SPTLC1: variants seen among roughly 807,000 people sequenced by gnomAD.
SPTLC1 encodes serine palmitoyltransferase 1.
In SPTLC1, 55 loss-of-function variants were observed where a neutral mutation model predicts 68.9. The observed-to-expected ratio is 0.80, with a 90% CI of 0.64 to 1.00. The LOEUF is 1.00. SPTLC1 is among the 50% of genes least tolerant of loss of function. The pLI, the probability that SPTLC1 is intolerant of heterozygous loss-of-function variation, is 0.00. For synonymous variants in SPTLC1, 197 were observed against 201.6 expected, an observed-to-expected ratio of 0.98 and a Z score of 0.19; for missense variants, 449 against 573.1, an observed-to-expected ratio of 0.78 and a Z score of 2.21.
intron 3 of SPTLC1, among the ~76,000 whole-genome samples, chr9:92,103,916 G>C (rs1026138949): frequency 1.6e-4 from 24 of 152,200 alleles, no homozygotes; most frequent in African/African-American, 5.5e-4. Context: ...CCACAGGGGG[G>C]CCCATCCAGG....
At chr9:92,040,445 T>G (rs1198086897) in intron 12 of SPTLC1, among the ~76,000 whole-genome samples, 1 of 151,908 alleles carries the variant, frequency 6.6e-6, no homozygotes, top group Non-Finnish European at 1.5e-5. Flanking sequence ...GCATTTCATA[T>G]GAATCAAATG....
chr9:92,097,980 T>A lies in SPTLC1; in HGVS notation c.260+10760A>T, dbSNP rs561061281. Among the ~76,000 whole-genome samples, 21 of 152,340 alleles carry A rather than the reference T, an allele frequency of 1.4e-4. No individual in the cohort carries two copies. The South Asian group carries it at 4.3e-3, about 32-fold the overall frequency. On this transcript the variant is annotated intron_variant, in intron 3 of 14. Coordinates refer to ENST00000262554, the MANE Select transcript of SPTLC1 (RefSeq NM_006415.4). ...TCTTGTGTCAACTCAGTATTGAATGTAAATAGGTATTGCATAAATTGAAGA... is the reference window on the plus strand; with the variant it reads ...TCTTGTGTCAACTCAGTATTGAATGAAAATAGGTATTGCATAAATTGAAGA...
rs750753414 is a variant in SPTLC1 at position 92,038,286 on chromosome 9, C to T, written c.1216G>A (p.Glu406Lys). 8 of 1,614,112 alleles carry T rather than the reference C, an allele frequency of 5.0e-6. No individual in the cohort carries two copies. The highest frequency in any genetic ancestry group is 4.5e-5 in the East Asian group (2 of 44,886). Residue 406 changes from glutamate (E) to lysine (K), a missense_variant, in exon 13 of 15, where the codon GAG becomes AAG. By Grantham distance (56) the Glu-to-Lys change is moderately conservative (BLOSUM62 1). Around this residue, in one of 3 missense-constraint regions of SPTLC1, gnomAD observed 391 missense variants for 472.1 expected, o/e 0.83. Coordinates refer to ENST00000262554, the MANE Select transcript of SPTLC1 (RefSeq NM_006415.4). ...TCCTGAAGCAGTCTGACATCTTGCT[C>T]GCGAGACCCAGTGCTCTCTTCCAGT... is the stretch of plus-strand genomic sequence containing the variant. The part of the protein sequence containing the change: ...LQLEESTGSR[E>K]QDVRLLQEIV...
intron 5 of SPTLC1, among the ~76,000 whole-genome samples, chr9:92,075,792 A>C (rs539708377): frequency 7.2e-5 from 11 of 152,084 alleles, no homozygotes; most frequent in Admixed American, 6.6e-4. Flanking sequence ...TTTATTGAAA[A>C]TCTCATGGGG....
chr9:92,101,329 G>A (rs1187730046), intron 3 of SPTLC1, among the ~76,000 whole-genome samples: 4 of 151,982 alleles, frequency 2.6e-5, no homozygotes, highest in African/African-American at 7.3e-5. Context: ...TTGGAAGGCC[G>A]AGGTGGGCGG....
At chr9:92,090,134 A>G (rs1469933791) in intron 3 of SPTLC1, among the ~76,000 whole-genome samples, 1 of 152,268 alleles carries the variant, frequency 6.6e-6, no homozygotes, top group Non-Finnish European at 1.5e-5. Context: ...AAATACCTAA[A>G]GACTGGCAAT....
At chr9:92,058,126 T>C (rs1833959321) in intron 7 of SPTLC1, among the ~76,000 whole-genome samples, 1 of 152,234 alleles carries the variant, frequency 6.6e-6, no homozygotes. Context: ...GTTTTCAGAT[T>C]TTGCCTATAG....
chr9:92,051,338 AC>A, intron 8 of SPTLC1: 2 of 830,276 alleles, frequency 2.4e-6, no homozygotes, highest in Non-Finnish European at 2.9e-6. Context: ...AATATGTATT[AC>A]ATACACATTA....
chr9:92,105,428 A>G, intron 3 of SPTLC1: 1 of 1,450,316 alleles, frequency 6.9e-7, no homozygotes, highest in Non-Finnish European at 9.3e-7. Flanking sequence ...ACAGCAGGGC[A>G]GGCGTGGTGG....
chr9:92,080,181 T>C lies in SPTLC1; in HGVS notation c.355-93A>G. On this transcript the variant is annotated intron_variant, in intron 4 of 14. Transcript: ENST00000262554. Reference sequence around the variant, plus strand: ...TTCTTTAACCCACAGAGCTCCTTCCTTCCTCCTCCAACTCTAACAGAATAT... The same window carrying C: ...TTCTTTAACCCACAGAGCTCCTTCCCTCCTCCTCCAACTCTAACAGAATAT... 6 of 942,472 alleles carry C rather than the reference T, an allele frequency of 6.4e-6. No homozygotes were observed. The South Asian group carries it at 8.1e-5, about 13-fold the overall frequency. The allele number at this position is 942,472 out of a possible 1,614,324, so 58.4% of individuals were successfully genotyped here.
In SPTLC1 at chr9:92,056,911, T is replaced by C. The variant is rs757330759; in HGVS notation, c.691-1417A>G. The stretch of plus-strand genomic sequence containing the variant: ...CTAGCAATATGTTAGAAGTGATGGA[T>C]GAAGAGATGCCACCCTAATTTCTAC... On this transcript the variant is annotated intron_variant, in intron 7 of 14. Coordinates refer to ENST00000262554, the MANE Select transcript of SPTLC1 (RefSeq NM_006415.4). Among the ~76,000 whole-genome samples, 11 of 152,250 alleles carry C rather than the reference T, an allele frequency of 7.2e-5. 1 individual carries two copies. Among genetic ancestry groups the C allele is most frequent in the Middle Eastern group, 6.8e-3 (2 of 294 alleles).
chr9:92,103,404 A>C (rs1197251948), intron 3 of SPTLC1, among the ~76,000 whole-genome samples: 3 of 152,232 alleles, frequency 2.0e-5, no homozygotes, highest in African/African-American at 7.2e-5. Context: ...CACGGTGCTA[A>C]GTACCCCAGA....
rs371882545 is a variant in SPTLC1, at chr9:92,034,864, G to T, written c.1274C>A (p.Ala425Glu). Residue 425 changes from alanine to glutamate, a missense_variant, in exon 14 of 15, where the codon GCA becomes GAA. Physicochemically the swap from Ala to Glu is moderately radical, Grantham distance 107. Around this residue, in one of 3 missense-constraint regions of SPTLC1, gnomAD observed 391 missense variants for 472.1 expected, o/e 0.83. Transcript: ENST00000262554. ...IVDQCMNRSI[A>E]LTQARYLEKE... is the part of the protein sequence containing the mutation. The stretch of plus-strand genomic sequence containing the variant: ...CTCCAAGTAGCGCGCCTGAGTTAAT[G>T]CAATACTTCTGTTCATGCACTGTAG... 1 of 1,613,976 alleles carries T rather than the reference G, an allele frequency of 6.2e-7. No homozygotes were observed. Among genetic ancestry groups the T allele is most frequent in the African/African-American group, 1.3e-5 (1 of 74,914 alleles).
chr9:92,085,835 A>G (rs1241208122), intron 3 of SPTLC1, among the ~76,000 whole-genome samples: 1 of 151,500 alleles, frequency 6.6e-6, no homozygotes, highest in East Asian at 1.9e-4. Context: ...TAATGTTGAC[A>G]GTGGGGTGTT....
chr9:92,073,772 C>A (rs1271446231), intron 5 of SPTLC1, among the ~76,000 whole-genome samples: 1 of 152,346 alleles, frequency 6.6e-6, no homozygotes, highest in African/African-American at 2.4e-5. Flanking sequence ...CAGGCGGCAG[C>A]GCGCCTTTCA....
At chr9:92,104,722 T>C in intron 3 of SPTLC1, 5 of 1,531,434 alleles carry the variant, frequency 3.3e-6, no homozygotes, top group South Asian at 1.2e-5. Flanking sequence ...AGGAGGACAA[T>C]AAAAGGGGCC....
At position 92,055,435 on chromosome 9, in the gene SPTLC1, A is replaced by G; in HGVS notation, c.750T>C (p.Asn250=). Residue 250 remains asparagine (N), a synonymous_variant, in exon 8 of 15, where the codon AAT becomes AAC. Coordinates refer to ENST00000262554, the MANE Select transcript of SPTLC1 (RefSeq NM_006415.4). ...CTGGAAGAGGACAAATAGTTCCAGT[A>G]TTCATATACAATCCTTCTACTACAA... ...RFIVVEGLYM[N]TGTICPLPEL... is the part of the protein sequence containing the mutation. 6.2e-7 allele frequency: 1 copy of G among 1,613,762 alleles called. No individual in the cohort carries two copies. The highest frequency in any genetic ancestry group is 8.5e-7 in the Non-Finnish European group (1 of 1,179,822).
At chr9:92,074,063 C>T (rs1834590956) in intron 5 of SPTLC1, among the ~76,000 whole-genome samples, 1 of 152,086 alleles carries the variant, frequency 6.6e-6, no homozygotes, top group South Asian at 2.1e-4. Flanking sequence ...CTTCCCAGAT[C>T]TCCTCGGCTT....
intron 3 of SPTLC1, among the ~76,000 whole-genome samples, chr9:92,094,938 T>C (rs1219999908): frequency 4.6e-5 from 7 of 152,188 alleles, no homozygotes; most frequent in African/African-American, 1.7e-4. Flanking sequence ...TGGCTGACAA[T>C]GACTCATCAG....
Sources: gnomAD v4.1 joint callset for allele counts (sites outside exome capture counted in the v4.1 genomes callset) on GRCh38, gnomAD v4.1.1 for gene constraint, gnomAD v4.1.1 regional missense constraint, MANE v1.5 for transcripts, NCBI Gene and HGNC (gene_info 2026-07-23, HGNC 2026-07-21) for gene names.